PFDN1: variants seen among roughly 807,000 people sequenced by gnomAD.
PFDN1 encodes prefoldin 1.
Under a neutral mutation model 17.3 loss-of-function variants are expected in PFDN1, and 6 were observed. That is an observed-to-expected ratio of 0.35 (90% confidence interval 0.19 to 0.69). The LOEUF (loss-of-function observed/expected upper bound fraction) is 0.69. PFDN1 is among the 30% of genes least tolerant of loss of function. The pLI is 0.65. For missense variants in PFDN1, 113 were observed against 146.2 expected (o/e 0.77, Z 1.17); for synonymous variants, 58 against 50.1 (o/e 1.16, Z -0.67).
intron 3 of PFDN1, among the ~76,000 whole-genome samples, chr5:140,258,465 G>A (rs1259810367): frequency 1.3e-5 from 2 of 150,798 alleles, no homozygotes; most frequent in Non-Finnish European, 2.9e-5. Context: ...AAAAAAGCCT[G>A]GGAAGCACTG....
At chr5:140,261,017 C>T (rs1419916928) in intron 3 of PFDN1, among the ~76,000 whole-genome samples, 1 of 151,672 alleles carries the variant, frequency 6.6e-6, no homozygotes, top group East Asian at 1.9e-4. Context: ...CAAAAATTAG[C>T]TGGGCCTGAT....
At chr5:140,276,969 T>G (rs1171677073) in intron 3 of PFDN1, among the ~76,000 whole-genome samples, 1 of 151,514 alleles carries the variant, frequency 6.6e-6, no homozygotes, top group Non-Finnish European at 1.5e-5. Flanking sequence ...CCTATAATCC[T>G]AGCACTTTGG....
At chr5:140,255,946 T>C (rs1764979360) in intron 3 of PFDN1, among the ~76,000 whole-genome samples, 1 of 152,164 alleles carries the variant, frequency 6.6e-6, no homozygotes, top group African/African-American at 2.4e-5. Flanking sequence ...CTACCTCCTC[T>C]AATGAATTGG....
rs888895905 is a variant in PFDN1, at chr5:140,245,810, C to G, written c.*164G>C. The G allele has an allele frequency of 9.6e-6, 6 of 622,404 alleles. No homozygotes were observed. Among genetic ancestry groups the G allele is most frequent in the Non-Finnish European group, 1.7e-5 (6 of 348,222 alleles). 38.6% of individuals were successfully genotyped at this position (622,404 alleles called of 1,614,324 possible). A position where few individuals can be genotyped will look rare whatever the true frequency, so the allele number is the denominator to read the frequency against. On this transcript the variant is annotated 3_prime_UTR_variant, in exon 4 of 4. Coordinates refer to ENST00000261813, the MANE Select transcript of PFDN1 (RefSeq NM_002622.5). ...GCAAAGCCGGGTAAAAACTCCAGGGCTGGGAAGCAAATGGGGCTCAGGGTG... is the reference window on the plus strand; with the variant it reads ...GCAAAGCCGGGTAAAAACTCCAGGGGTGGGAAGCAAATGGGGCTCAGGGTG...
intron 2 of PFDN1, chr5:140,282,131 G>A (rs1306043758): frequency 6.6e-6 from 1 of 150,628 alleles, no homozygotes; most frequent in Non-Finnish European, 1.5e-5. Flanking sequence ...AAGCTGTAGT[G>A]AGCCATGATT....
chr5:140,256,985 T>G (rs13177454), intron 3 of PFDN1, among the ~76,000 whole-genome samples: 3 of 151,684 alleles, frequency 2.0e-5, no homozygotes, highest in Admixed American at 1.3e-4. Flanking sequence ...TTCGGGAGGT[T>G]GAGGCAGGTG....
intron 3 of PFDN1, chr5:140,262,409 G>A: frequency 5.0e-6 from 2 of 403,834 alleles, no homozygotes; most frequent in South Asian, 3.5e-5. Flanking sequence ...TCTGGTTCTG[G>A]CTCCATGAAG....
At chr5:140,288,940 A>C (rs1765539036) in intron 2 of PFDN1, among the ~76,000 whole-genome samples, 1 of 151,706 alleles carries the variant, frequency 6.6e-6, no homozygotes, top group African/African-American at 2.4e-5. Flanking sequence ...AGCCGAGATC[A>C]CACCACTGCA....
chr5:140,249,368 C>T (rs147213933), intron 3 of PFDN1, among the ~76,000 whole-genome samples: 1 of 152,166 alleles, frequency 6.6e-6, no homozygotes, highest in Non-Finnish European at 1.5e-5. Context: ...CAACACAATA[C>T]CTGAAATGAG....
At chr5:140,246,255 G>A (rs1336091400) in intron 3 of PFDN1, among the ~76,000 whole-genome samples, 198 bp from the exon 4 acceptor site, 2 of 152,182 alleles carry the variant, frequency 1.3e-5, no homozygotes, top group African/African-American at 4.8e-5. Flanking sequence ...CAGGCAGCAG[G>A]GAGAAGATGG....
At chr5:140,270,873 C>T (rs1227153052) in intron 3 of PFDN1, among the ~76,000 whole-genome samples, 1 of 152,018 alleles carries the variant, frequency 6.6e-6, no homozygotes, top group African/African-American at 2.4e-5. Flanking sequence ...TTGCAGTGAG[C>T]CAAGATTGCG....
chr5:140,245,518 C>T lies in PFDN1; in HGVS notation c.*456G>A. 1.4e-6 allele frequency: 1 copy of T among 702,624 alleles called. No individual in the cohort carries two copies. The highest frequency in any genetic ancestry group is 1.5e-5 in the South Asian group (1 of 67,608). The allele number at this position is 702,624 out of a possible 1,614,324, so 43.5% of individuals were successfully genotyped here. A position where few individuals can be genotyped will look rare whatever the true frequency, so the allele number is the denominator to read the frequency against. ...AGGGAAAAGAGAAGAGGGCAAGGCC[C>T]ATCCCCCAAGAAAGGAAGGGCTCTG... On this transcript the variant is annotated 3_prime_UTR_variant, in exon 4 of 4. Coordinates refer to ENST00000261813, the MANE Select transcript of PFDN1 (RefSeq NM_002622.5).
At chr5:140,287,076 T>A (rs890587458) in intron 2 of PFDN1, among the ~76,000 whole-genome samples, 1 of 152,220 alleles carries the variant, frequency 6.6e-6, no homozygotes, top group Non-Finnish European at 1.5e-5. Flanking sequence ...TGTGAATATA[T>A]GTATACAAAT....
intron 3 of PFDN1, among the ~76,000 whole-genome samples, chr5:140,264,894 G>C (rs1286006826): frequency 6.6e-6 from 1 of 152,136 alleles, no homozygotes; most frequent in East Asian, 1.9e-4. Flanking sequence ...GTAGCAATGT[G>C]TGTGTACATA....
intron 2 of PFDN1, among the ~76,000 whole-genome samples, chr5:140,294,907 C>T (rs1333844735): frequency 6.6e-6 from 1 of 151,858 alleles, no homozygotes; most frequent in Non-Finnish European, 1.5e-5. Flanking sequence ...TACCATTGTT[C>T]ATTCTTAGTT....
chr5:140,302,283 C>T (rs746426638), intron 1 of PFDN1, among the ~76,000 whole-genome samples: 1 of 152,168 alleles, frequency 6.6e-6, no homozygotes, highest in Non-Finnish European at 1.5e-5. Context: ...CCCCACCGCA[C>T]AAAGCATACT....
At position 140,270,879 on chromosome 5, in the gene PFDN1, T is replaced by C. The variant is rs183365614; in HGVS notation, c.285+10570A>G. Among the ~76,000 whole-genome samples, 1,518 of 152,088 alleles carry C rather than the reference T, an allele frequency of 1.0e-2. 17 individuals carry two copies. Among genetic ancestry groups the C allele is most frequent in the Non-Finnish European group, 0.014 (984 of 68,004 alleles). The stretch of plus-strand genomic sequence containing the variant: ...AGGTGGAGCTTGCAGTGAGCCAAGA[T>C]TGCGCCACTGCACTCCAGCCTGGGT... On this transcript the variant is annotated intron_variant, in intron 3 of 3. Coordinates refer to ENST00000261813, the MANE Select transcript of PFDN1 (RefSeq NM_002622.5).
intron 3 of PFDN1, chr5:140,262,457 C>T: frequency 2.2e-6 from 1 of 449,142 alleles, no homozygotes; most frequent in Non-Finnish European, 4.5e-6. Flanking sequence ...GGGCAGAAGC[C>T]ACCAAGTTCA....
At position 140,245,474 on chromosome 5, in the gene PFDN1, G is replaced by A. The variant is rs184527511; in HGVS notation, c.*500C>T. The A allele has an allele frequency of 9.5e-5, 67 of 702,592 alleles. No homozygotes were observed. The highest frequency in any genetic ancestry group is 1.9e-4 in the African/African-American group (11 of 57,368). 43.5% of individuals were successfully genotyped at this position (702,592 alleles called of 1,614,324 possible). A position where few individuals can be genotyped will look rare whatever the true frequency, so the allele number is the denominator to read the frequency against. On this transcript the variant is annotated 3_prime_UTR_variant, in exon 4 of 4. Transcript: ENST00000261813. ...CTGCATGCAGGCCCGGAAGCTGAGC[G>A]TTAGTCAAAGGTACAGGAAGGGAAA...
Sources: gnomAD v4.1 joint callset for allele counts (sites outside exome capture counted in the v4.1 genomes callset) on GRCh38, gnomAD v4.1.1 for gene constraint, MANE v1.5 for transcripts, NCBI Gene and HGNC (gene_info 2026-07-23, HGNC 2026-07-21) for gene names.